KCNE1: variants seen among roughly 807,000 people sequenced by gnomAD.
The protein encoded by KCNE1 is potassium voltage-gated channel subfamily E regulatory subunit 1.
In KCNE1, 1 loss-of-function variant was observed where a neutral mutation model predicts 2.9. The observed-to-expected ratio is 0.34, with a 90% CI of 0.12 to 1.62. KCNE1 has a LOEUF of 1.62. Among genes scored for constraint, KCNE1 ranks in the 40% most tolerant of loss-of-function variants. KCNE1 has a pLI of 0.36. For synonymous variants in KCNE1, 23 were observed against 65.4 expected (o/e 0.35, Z 3.13); for missense variants, 45 against 150.5 (o/e 0.30, Z 3.67).
chr21:34,506,303 T>C (rs969909431), intron 2 of KCNE1, among the ~76,000 whole-genome samples: 5 of 152,204 alleles, frequency 3.3e-5, no homozygotes, highest in Non-Finnish European at 5.9e-5. Context: ...CCGTGGTTTC[T>C]TGCTTCAGCT....
intron 3 of KCNE1, among the ~76,000 whole-genome samples, chr21:34,450,038 T>C (rs1281074936): frequency 1.1e-5 from 1 of 93,226 alleles, no homozygotes. Context: ...CTCCTTCTTT[T>C]TCCTCATGAC....
At chr21:34,506,647 T>A (rs888725946) in intron 2 of KCNE1, among the ~76,000 whole-genome samples, 1 of 152,234 alleles carries the variant, frequency 6.6e-6, no homozygotes, top group East Asian at 1.9e-4. Context: ...ATACATCTAA[T>A]AAATATTTAT....
intron 2 of KCNE1, among the ~76,000 whole-genome samples, chr21:34,507,563 A>G (rs1983573294): frequency 6.6e-6 from 1 of 152,208 alleles, no homozygotes; most frequent in African/African-American, 2.4e-5. Context: ...TCAGCCTCAA[A>G]TATCTTTCCT....
At chr21:34,499,243 C>T (rs1983009007) in intron 2 of KCNE1, among the ~76,000 whole-genome samples, 1 of 152,192 alleles carries the variant, frequency 6.6e-6, no homozygotes, top group African/African-American at 2.4e-5. Flanking sequence ...TTCTGTATCC[C>T]ACTAACAGCA....
intron 2 of KCNE1, among the ~76,000 whole-genome samples, chr21:34,499,795 C>T (rs1341441356): frequency 2.0e-5 from 3 of 152,180 alleles, no homozygotes; most frequent in Non-Finnish European, 2.9e-5. Flanking sequence ...GAATTTGCAG[C>T]GGTGTGCCAC....
chr21:34,510,297 G>C (rs1011779476), intron 2 of KCNE1: 4 of 152,458 alleles, frequency 2.6e-5, no homozygotes, highest in African/African-American at 9.7e-5. Flanking sequence ...GCTGACTGGT[G>C]ATGAGGGACC....
At chr21:34,510,819 A>T (rs1445771424) in intron 2 of KCNE1, 2 of 152,584 alleles carry the variant, frequency 1.3e-5, no homozygotes, top group African/African-American at 4.8e-5. Flanking sequence ...TCAGGCTGTC[A>T]GGACCTGGCG....
chr21:34,449,997 AAATGGTATCAGGTCATC>A (rs1254159448), intron 3 of KCNE1, among the ~76,000 whole-genome samples: 1 of 90,444 alleles, frequency 1.1e-5, no homozygotes, highest in African/African-American at 3.9e-5. Context: ...TGGTTTACCT[AAATGGTATCAGGTCATC>A]CAACTCATTC....
chr21:34,503,406 C>T (rs937853886), intron 2 of KCNE1, among the ~76,000 whole-genome samples: 10 of 152,208 alleles, frequency 6.6e-5, no homozygotes, highest in Non-Finnish European at 1.5e-4. Flanking sequence ...ACATGTTCAG[C>T]TGTCCAGAGC....
intron 2 of KCNE1, among the ~76,000 whole-genome samples, chr21:34,504,160 C>T (rs16991751): frequency 0.015 from 2,358 of 152,264 alleles, 56 homozygotes; most frequent in African/African-American, 0.054. Context: ...GACAACCACT[C>T]CGTCGTGGAG....
chr21:34,511,255 C>T lies in KCNE1; in HGVS notation c.-316G>A. 1.0e-6 allele frequency: 1 copy of T among 985,550 alleles called. No individual in the cohort carries two copies. The allele number at this position is 985,550 out of a possible 1,614,324, so 61.1% of individuals were successfully genotyped here. A position where few individuals can be genotyped will look rare whatever the true frequency, so the allele number is the denominator to read the frequency against. ...TGAGCACGGTTCTCCTGGTTGAGCTCCAGGCCATGCCATTCAACGCCCTCC... is the reference window on the plus strand; with the variant it reads ...TGAGCACGGTTCTCCTGGTTGAGCTTCAGGCCATGCCATTCAACGCCCTCC... On this transcript the variant is annotated 5_prime_UTR_variant, in exon 2 of 4. It introduces an in-frame stop codon into an upstream open reading frame of the 5' UTR. Coordinates refer to ENST00000399286, the MANE Select transcript of KCNE1 (RefSeq NM_000219.6).
intron 2 of KCNE1, among the ~76,000 whole-genome samples, chr21:34,508,626 A>C (rs975856028): frequency 2.6e-5 from 4 of 152,226 alleles, no homozygotes; most frequent in Non-Finnish European, 5.9e-5. Context: ...TACAGGCATG[A>C]GCCACCGCGC....
At chr21:34,506,172 C>G (rs1983475117) in intron 2 of KCNE1, among the ~76,000 whole-genome samples, 1 of 152,196 alleles carries the variant, frequency 6.6e-6, no homozygotes, top group Non-Finnish European at 1.5e-5. Context: ...GCCGGGAACT[C>G]AGGAATGTCC....
chr21:34,498,693 G>A (rs916175865), intron 2 of KCNE1, among the ~76,000 whole-genome samples: 4 of 152,236 alleles, frequency 2.6e-5, no homozygotes, highest in Admixed American at 2.6e-4. Flanking sequence ...TGTTAACAGT[G>A]AAGTTGTCAC....
chr21:34,506,998 G>A (rs556327208), intron 2 of KCNE1, among the ~76,000 whole-genome samples: 6 of 152,338 alleles, frequency 3.9e-5, no homozygotes, highest in South Asian at 2.1e-4. Flanking sequence ...AACTGCAGAC[G>A]CCCTGTCATG....
intron 2 of KCNE1, among the ~76,000 whole-genome samples, chr21:34,499,290 A>G (rs1370120531): frequency 6.6e-6 from 1 of 152,226 alleles, no homozygotes; most frequent in Non-Finnish European, 1.5e-5. Context: ...CTCTGGACTC[A>G]GACCTTGCCC....
chr21:34,510,453 G>A (rs1983777515), intron 2 of KCNE1: 1 of 152,496 alleles, frequency 6.6e-6, no homozygotes, highest in Non-Finnish European at 1.5e-5. Context: ...GCCCAGACAT[G>A]GTGGGTGCAC....
chr21:34,511,148 C>T lies in KCNE1; in HGVS notation c.-209G>A. 1.0e-6 allele frequency: 1 copy of T among 985,684 alleles called. No homozygotes were observed. The allele number at this position is 985,684 out of a possible 1,614,324, so 61.1% of individuals were successfully genotyped here. On this transcript the variant is annotated 5_prime_UTR_variant, in exon 2 of 4. It removes an upstream start codon present in the reference 5' UTR. Transcript: ENST00000399286. Reference sequence around the variant, plus strand: ...CTCAAGCACACTGCGGTGTCCACACCATTGGCAGCAGGCTCCTTCTCTTCA... The same window carrying T: ...CTCAAGCACACTGCGGTGTCCACACTATTGGCAGCAGGCTCCTTCTCTTCA...
chr21:34,497,193 T>C (rs1982864131), intron 2 of KCNE1, among the ~76,000 whole-genome samples: 1 of 152,234 alleles, frequency 6.6e-6, no homozygotes, highest in South Asian at 2.1e-4. Context: ...GGTACTGTTC[T>C]ATTCATTGTG....
Sources: allele counts gnomAD v4.1 joint callset (sites outside exome capture counted in the v4.1 genomes callset), GRCh38; gene constraint gnomAD v4.1.1; transcripts MANE v1.5; gene names NCBI Gene and HGNC (gene_info 2026-07-23, HGNC 2026-07-21).